The following DSCAM variants were observed in gnomAD, a reference collection of about 807,000 sequenced individuals.
DSCAM encodes the protein DS cell adhesion molecule.
A neutral mutation model predicts 217.7 loss-of-function variants in DSCAM; 47 were observed. The observed-to-expected ratio is 0.22, with a 90% CI of 0.17 to 0.28. The LOEUF (loss-of-function observed/expected upper bound fraction) is 0.28, where lower values mean the gene tolerates loss of function less well. Ranked by LOEUF, DSCAM falls within the 10% of genes least tolerant of loss-of-function variation. DSCAM has a pLI of 1.00. For synonymous variants in DSCAM, 1,056 were observed against 1,015.3 expected (o/e 1.04, Z -0.76); for missense variants, 2,080 against 2,618.3 (o/e 0.79, Z 4.49).
intron 11 of DSCAM, among the ~76,000 whole-genome samples, chr21:40,272,721 T>C (rs1470811502): frequency 6.6e-6 from 1 of 152,202 alleles, no homozygotes; most frequent in Non-Finnish European, 1.5e-5. Flanking sequence ...AGCAGCTGTC[T>C]TAATTTCCTG....
At chr21:40,390,621 C>G (rs760660962) in intron 3 of DSCAM, among the ~76,000 whole-genome samples, 47 of 152,126 alleles carry the variant, frequency 3.1e-4, no homozygotes, top group Non-Finnish European at 6.0e-4. Flanking sequence ...TCCAATGCCT[C>G]AAGGGAAGAT....
intron 11 of DSCAM, among the ~76,000 whole-genome samples, chr21:40,240,279 T>A (rs971208411): frequency 4.0e-5 from 6 of 150,470 alleles, no homozygotes; most frequent in East Asian, 3.9e-4. Flanking sequence ...TTCCTTTCTA[T>A]TCCCATTCTA....
chr21:40,031,741 C>T (rs1215852892), intron 32 of DSCAM, among the ~76,000 whole-genome samples: 8 of 152,186 alleles, frequency 5.3e-5, no homozygotes, highest in South Asian at 2.1e-4. Context: ...CAAAGACCAT[C>T]GTCTTCCAAT....
intron 10 of DSCAM, among the ~76,000 whole-genome samples, chr21:40,280,181 C>CTTTT (rs3988427): frequency 1.8e-4 from 21 of 118,920 alleles, no homozygotes; most frequent in South Asian, 1.7e-3. Flanking sequence ...ATTTTGGTGC[C>CTTTT]TTTTTTTTTT....
chr21:40,403,518 G>A (rs955355823), intron 3 of DSCAM, among the ~76,000 whole-genome samples: 1 of 152,004 alleles, frequency 6.6e-6, no homozygotes, highest in African/African-American at 2.4e-5. Flanking sequence ...AATCAGACTT[G>A]TGGTTTAACA....
chr21:40,765,074 C>A (rs1398997468), intron 1 of DSCAM, among the ~76,000 whole-genome samples: 1 of 147,996 alleles, frequency 6.8e-6, no homozygotes. Context: ...TGTAACAAAC[C>A]TGCACATTCT....
intron 11 of DSCAM, among the ~76,000 whole-genome samples, chr21:40,195,964 T>C (rs1187118233): frequency 6.6e-6 from 1 of 152,236 alleles, no homozygotes; most frequent in East Asian, 1.9e-4. Flanking sequence ...TTTTCTTTGT[T>C]ATCAAGATTT....
intron 19 of DSCAM, among the ~76,000 whole-genome samples, chr21:40,125,298 G>A (rs1361972301): frequency 5.3e-5 from 8 of 152,310 alleles, no homozygotes; most frequent in East Asian, 3.9e-4. Flanking sequence ...GGTTGAAGAG[G>A]TGAGGGCGGG....
At chr21:40,272,490 G>T (rs1418526667) in intron 11 of DSCAM, among the ~76,000 whole-genome samples, 1 of 152,188 alleles carries the variant, frequency 6.6e-6, no homozygotes, top group Non-Finnish European at 1.5e-5. Context: ...AAAAAGATGT[G>T]TGTGTATGTG....
rs372784920 is a variant in DSCAM, at chr21:40,353,453, C to A, written c.934+12G>T. 71 of 1,594,830 alleles carry A rather than the reference C, an allele frequency of 4.5e-5. No individual in the cohort carries two copies. In the African/African-American group the frequency reaches 8.0e-4, roughly 18 times the overall value. On this transcript the variant is annotated intron_variant, in intron 5 of 32. Coordinates refer to ENST00000400454, the MANE Select transcript of DSCAM (RefSeq NM_001389.5). ...AGCCAACACCACCTTTGCAAGTTAC[C>A]GTCCAACTTACGTTTCACGTACAGG...
intron 1 of DSCAM, among the ~76,000 whole-genome samples, chr21:40,785,982 A>T (rs1278481302): frequency 3.3e-5 from 5 of 152,214 alleles, no homozygotes; most frequent in African/African-American, 1.2e-4. Flanking sequence ...CATGCCTGTA[A>T]TCCCAGCACT....
intron 3 of DSCAM, among the ~76,000 whole-genome samples, chr21:40,402,399 T>TA (rs2075244526): frequency 6.6e-6 from 1 of 152,102 alleles, no homozygotes; most frequent in Admixed American, 6.6e-5. Flanking sequence ...CAAATGGTAT[T>TA]AGATTCCTAA....
intron 3 of DSCAM, among the ~76,000 whole-genome samples, chr21:40,391,935 C>A (rs1278545906): frequency 6.6e-6 from 1 of 152,160 alleles, no homozygotes; most frequent in Non-Finnish European, 1.5e-5. Context: ...AGAGAAAGCA[C>A]CTCTCCAAGG....
chr21:40,390,389 C>A (rs759179535), intron 3 of DSCAM, among the ~76,000 whole-genome samples: 1 of 152,126 alleles, frequency 6.6e-6, no homozygotes, highest in Non-Finnish European at 1.5e-5. Flanking sequence ...AAAAATAAGA[C>A]CTGAATAATT....
intron 3 of DSCAM, among the ~76,000 whole-genome samples, chr21:40,561,288 T>A (rs2076718682): frequency 1.3e-5 from 2 of 152,180 alleles, no homozygotes. Flanking sequence ...CAGCACCCCC[T>A]GGTGTTAACT....
intron 1 of DSCAM, among the ~76,000 whole-genome samples, chr21:40,817,726 G>C (rs1394633063): frequency 1.3e-5 from 2 of 152,144 alleles, no homozygotes; most frequent in Admixed American, 6.5e-5. Context: ...CAAATTTACA[G>C]CTAGGCAATT....
intron 1 of DSCAM, among the ~76,000 whole-genome samples, chr21:40,813,069 T>C (rs1013277264): frequency 1.3e-5 from 2 of 152,220 alleles, no homozygotes; most frequent in Admixed American, 1.3e-4. Context: ...TTTCGACATG[T>C]CTTCAGAGAA....
chr21:40,561,467 C>G (rs947235989), intron 3 of DSCAM, among the ~76,000 whole-genome samples: 3 of 152,138 alleles, frequency 2.0e-5, no homozygotes, highest in African/African-American at 4.8e-5. Flanking sequence ...GTCTATTTCC[C>G]CTAACTTTGT....
chr21:40,334,167 G>A (rs1479605826), intron 8 of DSCAM, among the ~76,000 whole-genome samples: 1 of 152,076 alleles, frequency 6.6e-6, no homozygotes, highest in Non-Finnish European at 1.5e-5. Context: ...TTCAGGCCTT[G>A]GTGTTGAACA....
Sources: allele counts gnomAD v4.1 joint callset (sites outside exome capture counted in the v4.1 genomes callset), GRCh38; gene constraint gnomAD v4.1.1; transcripts MANE v1.5; gene names NCBI Gene and HGNC (gene_info 2026-07-23, HGNC 2026-07-21).